Variants in CAMTA1 observed in about 807,000 individuals in gnomAD.
CAMTA1 encodes calmodulin-binding transcription activator 1.
CAMTA1 carries 27 observed loss-of-function variants against 170.9 expected under a neutral mutation model. The observed-to-expected ratio is 0.16, with a 90% CI of 0.12 to 0.22. The LOEUF is 0.22. Ranked by LOEUF, CAMTA1 falls within the 10% of genes least tolerant of loss-of-function variation. The probability of loss-of-function intolerance (pLI) is 1.00; values close to 1 mark genes in which losing one functional copy is unlikely to be tolerated. For synonymous variants in CAMTA1, 833 were observed against 891.5 expected, an observed-to-expected ratio of 0.93 and a Z score of 1.17; for missense variants, 1,619 against 2,217.2, an observed-to-expected ratio of 0.73 and a Z score of 5.42.
chr1:6,956,186 G>A (rs543160886), intron 3 of CAMTA1, among the ~76,000 whole-genome samples: 3 of 152,170 alleles, frequency 2.0e-5, no homozygotes, highest in Non-Finnish European at 4.4e-5. Flanking sequence ...AGGGCCAGAG[G>A]CTGCTCACTA....
intron 2 of CAMTA1, among the ~76,000 whole-genome samples, chr1:6,822,925 C>A (rs925181536): frequency 6.6e-6 from 1 of 151,974 alleles, no homozygotes. Flanking sequence ...TGATCACAAA[C>A]ATAGAAGCTG....
chr1:7,599,776 T>C (rs1226169660), intron 6 of CAMTA1, among the ~76,000 whole-genome samples: 1 of 152,222 alleles, frequency 6.6e-6, no homozygotes, highest in Non-Finnish European at 1.5e-5. Flanking sequence ...CTTGTGATTT[T>C]TGCACATTGA....
At chr1:6,897,693 A>G (rs1675945482) in intron 3 of CAMTA1, among the ~76,000 whole-genome samples, 1 of 152,194 alleles carries the variant, frequency 6.6e-6, no homozygotes, top group African/African-American at 2.4e-5. Flanking sequence ...ACACACATTC[A>G]GTATATGGTG....
chr1:7,080,215 C>T (rs1415100264), intron 3 of CAMTA1, among the ~76,000 whole-genome samples: 1 of 152,172 alleles, frequency 6.6e-6, no homozygotes, highest in Non-Finnish European at 1.5e-5. Context: ...TGACTTCCCC[C>T]AAATCATACA....
intron 4 of CAMTA1, among the ~76,000 whole-genome samples, chr1:7,211,768 G>T (rs1658810806): frequency 6.6e-6 from 1 of 152,186 alleles, no homozygotes; most frequent in African/African-American, 2.4e-5. Flanking sequence ...ATTGCTTCTA[G>T]ACACTCTCTG....
intron 6 of CAMTA1, among the ~76,000 whole-genome samples, chr1:7,491,463 C>T (rs528445537): frequency 3.3e-5 from 5 of 152,292 alleles, no homozygotes; most frequent in African/African-American, 4.8e-5. Context: ...AAGATGGTTC[C>T]GGAATGTTCT....
chr1:6,894,778 G>A (rs1207099896), intron 3 of CAMTA1, among the ~76,000 whole-genome samples: 1 of 152,226 alleles, frequency 6.6e-6, no homozygotes, highest in Non-Finnish European at 1.5e-5. Context: ...AATGCTAAAT[G>A]GGGGTTCCTT....
In CAMTA1 at chr1:7,710,165, A is replaced by G. The variant is rs182749762; in HGVS notation, c.2915-22283A>G. Among the ~76,000 whole-genome samples, 408 of 152,326 alleles carry G rather than the reference A, an allele frequency of 2.7e-3. 3 individuals carry two copies. The highest frequency in any genetic ancestry group is 1.7e-3 in the Non-Finnish European group (116 of 68,028). Reference sequence around the variant, plus strand: ...AGCTCAGTATACCTTTCCTTGTCTTACTGAATGTTTTGGCAGTCAACATTG... The same window carrying G: ...AGCTCAGTATACCTTTCCTTGTCTTGCTGAATGTTTTGGCAGTCAACATTG... On this transcript the variant is annotated intron_variant, in intron 11 of 22. Coordinates refer to ENST00000303635, the MANE Select transcript of CAMTA1 (RefSeq NM_015215.4).
At chr1:7,245,991 G>A (rs1485993942) in intron 4 of CAMTA1, among the ~76,000 whole-genome samples, 1 of 152,194 alleles carries the variant, frequency 6.6e-6, no homozygotes, top group Non-Finnish European at 1.5e-5. Context: ...CACCGGGCAG[G>A]GAAGCCTGAG....
At chr1:7,677,548 G>T in intron 10 of CAMTA1, 51 bp from the exon 11 acceptor site, 1 of 1,587,908 alleles carries the variant, frequency 6.3e-7, no homozygotes. Context: ...GGTTCACCAG[G>T]CTGTAGGTAC....
rs569564187 is a variant in CAMTA1 at position 7,636,175 on chromosome 1, G to A, written c.511-4225G>A. 3.1e-3 allele frequency among the ~76,000 whole-genome samples: 465 copies of A among 152,332 alleles called. 1 individual carries two copies. Among genetic ancestry groups the A allele is most frequent in the Non-Finnish European group, 5.3e-3 (361 of 68,042 alleles). On this transcript the variant is annotated intron_variant, in intron 6 of 22. Transcript: ENST00000303635. ...GACCCCCCACCCCCGGTGTTGGGCA[G>A]GTGCCCTGAGTTGAAAGGGGTAGAT...
intron 6 of CAMTA1, among the ~76,000 whole-genome samples, chr1:7,548,858 G>A: frequency 8.2e-6 from 1 of 121,332 alleles, no homozygotes; most frequent in Non-Finnish European, 1.9e-5. Flanking sequence ...GCCCCCTTAG[G>A]GGTGGAGGTG....
chr1:7,295,019 G>T (rs544719985), intron 5 of CAMTA1, among the ~76,000 whole-genome samples: 212 of 152,292 alleles, frequency 1.4e-3, no homozygotes, highest in Non-Finnish European at 1.1e-3. Flanking sequence ...CACCACCTCC[G>T]CTTTGCTGCC....
At chr1:7,250,987 C>T (rs755771763) in intron 5 of CAMTA1, among the ~76,000 whole-genome samples, 1 of 152,188 alleles carries the variant, frequency 6.6e-6, no homozygotes, top group Non-Finnish European at 1.5e-5. Context: ...TTGGTTCTTC[C>T]TGGGAGGACC....
At chr1:7,605,722 A>G (rs1355796833) in intron 6 of CAMTA1, among the ~76,000 whole-genome samples, 1 of 152,186 alleles carries the variant, frequency 6.6e-6, no homozygotes, top group Non-Finnish European at 1.5e-5. Flanking sequence ...CCCTAGTGAG[A>G]TGAACCCGGT....
At chr1:7,465,604 A>G (rs2093192560) in intron 5 of CAMTA1, among the ~76,000 whole-genome samples, 1 of 152,188 alleles carries the variant, frequency 6.6e-6, no homozygotes, top group African/African-American at 2.4e-5. Context: ...GCCTTGATGT[A>G]GAAATGGCAG....
rs553591797 is a variant in CAMTA1 at position 7,707,036 on chromosome 1, G to A, written c.2915-25412G>A. On this transcript the variant is annotated intron_variant, in intron 11 of 22. Coordinates refer to ENST00000303635, the MANE Select transcript of CAMTA1 (RefSeq NM_015215.4). ...CGAGTAGCTGGGACTACAGGTGCGC[G>A]CCACCATGCCCAGCTCATTTTTGTA... Among the ~76,000 whole-genome samples the A allele has an allele frequency of 2.3e-4, 35 of 151,644 alleles. No individual in the cohort carries two copies. In the South Asian group the frequency reaches 2.7e-3, roughly 12 times the overall value.
intron 4 of CAMTA1, among the ~76,000 whole-genome samples, chr1:7,108,961 A>T (rs1419534508): frequency 6.6e-6 from 1 of 152,138 alleles, no homozygotes; most frequent in Non-Finnish European, 1.5e-5. Context: ...TCACTCATGC[A>T]TTGTGGGAGG....
chr1:7,398,193 C>CTCTCTCTCTATATATATATA (rs1557651862), intron 5 of CAMTA1, among the ~76,000 whole-genome samples: 1 of 16,900 alleles, frequency 5.9e-5, no homozygotes, highest in African/African-American at 1.9e-4. Flanking sequence ...CTCTCTCTCT[C>CTCTCTCTCTATATATATATA]TATATATATA....
Sources: gnomAD v4.1 joint callset for allele counts (sites outside exome capture counted in the v4.1 genomes callset) on GRCh38, gnomAD v4.1.1 for gene constraint, MANE v1.5 for transcripts, NCBI Gene and HGNC (gene_info 2026-07-23, HGNC 2026-07-21) for gene names.